Variants in ZC3HAV1 observed in about 807,000 individuals in gnomAD.
The protein encoded by ZC3HAV1 is zinc finger CCCH-type antiviral protein 1.
A neutral mutation model predicts 86.6 loss-of-function variants in ZC3HAV1; 41 were observed. The observed-to-expected ratio is 0.47, with a 90% CI of 0.37 to 0.61. The LOEUF (loss-of-function observed/expected upper bound fraction) is 0.61, where lower values mean the gene tolerates loss of function less well. Among genes scored for constraint, ZC3HAV1 ranks in the 20% least tolerant of loss-of-function variants. ZC3HAV1 has a pLI of 0.00. For synonymous variants in ZC3HAV1, 421 were observed against 432.1 expected, an observed-to-expected ratio of 0.97 and a Z score of 0.32; for missense variants, 964 against 1,141.1, an observed-to-expected ratio of 0.84 and a Z score of 2.24.
intron 7 of ZC3HAV1, among the ~76,000 whole-genome samples, chr7:139,072,581 C>T (rs531302160): frequency 1.3e-4 from 20 of 152,142 alleles, no homozygotes; most frequent in Non-Finnish European, 2.6e-4. Flanking sequence ...TGTTTTCTCT[C>T]TCTCTTTAAT....
chr7:139,067,702 G>A (rs1015939524), intron 7 of ZC3HAV1, among the ~76,000 whole-genome samples: 1 of 152,052 alleles, frequency 6.6e-6, no homozygotes, highest in Non-Finnish European at 1.5e-5. Flanking sequence ...AATTACATTC[G>A]TACTCTATAA....
chr7:139,048,666 T>C (rs1021744440), intron 12 of ZC3HAV1, among the ~76,000 whole-genome samples: 2 of 152,228 alleles, frequency 1.3e-5, no homozygotes, highest in Non-Finnish European at 2.9e-5. Context: ...TGAGTAGATA[T>C]TGCAACTCCT....
chr7:139,109,112 G>A lies in ZC3HAV1; in HGVS notation c.220C>T (p.Arg74Cys). The change falls in exon 1 of 13, where the codon CGT (arginine) becomes TGT (cysteine). Residue 74 changes from arginine (R) to cysteine (C), a missense_variant. Coordinates refer to ENST00000242351, the MANE Select transcript of ZC3HAV1 (RefSeq NM_020119.4). ...CAGGGTCTCTGGCAGTACTTGCGACGGCAGACCCGGGCTCGAGTGGTGGCC... is the reference window on the plus strand; with the variant it reads ...CAGGGTCTCTGGCAGTACTTGCGACAGCAGACCCGGGCTCGAGTGGTGGCC... ...VVATTRARVC[R>C]RKYCQRPCDN... 1 of 1,591,498 alleles carries A rather than the reference G, an allele frequency of 6.3e-7. No individual in the cohort carries two copies. Among genetic ancestry groups the A allele is most frequent in the Non-Finnish European group, 8.6e-7 (1 of 1,168,758 alleles).
intron 1 of ZC3HAV1, among the ~76,000 whole-genome samples, chr7:139,097,412 A>ATTTTTTTTTTT (rs1387959860): frequency 2.7e-5 from 2 of 74,390 alleles, no homozygotes; most frequent in Non-Finnish European, 2.4e-5. Context: ...ATATATATAT[A>ATTTTTTTTTTT]TATATATATA....
In ZC3HAV1 at chr7:139,046,398, T is replaced by C. The variant is rs1563120672; in HGVS notation, c.*1196A>G. On this transcript the variant is annotated 3_prime_UTR_variant, in exon 13 of 13. Transcript: ENST00000242351. ...TAGCACTCGCGTTTATCAGTTATGC[T>C]TGTGTGAAGCTGGTTATTGCAATTC... 1 of 152,220 alleles carries C rather than the reference T, an allele frequency of 6.6e-6. No individual in the cohort carries two copies. The highest frequency in any genetic ancestry group is 1.5e-5 in the Non-Finnish European group (1 of 68,036). 9.4% of individuals were successfully genotyped at this position (152,220 alleles called of 1,614,324 possible).
intron 8 of ZC3HAV1, among the ~76,000 whole-genome samples, chr7:139,061,990 C>T (rs961940313): frequency 2.6e-5 from 4 of 152,244 alleles, no homozygotes; most frequent in Admixed American, 2.0e-4. Context: ...CTACTGCAAG[C>T]GTTTATTAAT....
rs1817615357 is a variant in ZC3HAV1 at position 139,097,185 on chromosome 7, A to T, written c.309-7426T>A. Among the ~76,000 whole-genome samples, 3 of 150,398 alleles carry T rather than the reference A, an allele frequency of 2.0e-5. No individual in the cohort carries two copies. In the South Asian group the frequency reaches 6.2e-4, roughly 31 times the overall value. On this transcript the variant is annotated intron_variant, in intron 1 of 12. Transcript: ENST00000242351. The stretch of plus-strand genomic sequence containing the variant: ...AAAAAATAAAAAAAAGAAAATTTTA[A>T]AAATAAATGAATAAAAATGCAGATT...
At chr7:139,098,588 G>A (rs1478061124) in intron 1 of ZC3HAV1, among the ~76,000 whole-genome samples, 10 of 152,178 alleles carry the variant, frequency 6.6e-5, no homozygotes, top group Non-Finnish European at 1.3e-4. Context: ...GGTGGCTTGA[G>A]CTCGGGAGTT....
At position 139,083,446 on chromosome 7, in the gene ZC3HAV1, T is replaced by C. The variant is rs112514549; in HGVS notation, c.697+334A>G. Among the ~76,000 whole-genome samples, 700 of 152,266 alleles carry C rather than the reference T, an allele frequency of 4.6e-3. 4 individuals are homozygous for C. The highest frequency in any genetic ancestry group is 0.016 in the African/African-American group (672 of 41,542). ...CTGCTGATTTGAAAGTTCACACAAT[T>C]GGCCGGGTGCAGTGGCTCATGCTTG... is the stretch of plus-strand genomic sequence containing the variant. On this transcript the variant is annotated intron_variant, in intron 3 of 12. Transcript: ENST00000242351.
At position 139,061,041 on chromosome 7, in the gene ZC3HAV1, C is replaced by A; in HGVS notation, c.2091G>T (p.Gly697=). The change falls in exon 9 of 13, where the codon GGG becomes GGT. Residue 697 remains glycine (G), a synonymous_variant. Coordinates refer to ENST00000242351, the MANE Select transcript of ZC3HAV1 (RefSeq NM_020119.4). ...PQWYVQQMKR[G]PDHQPAKTSS... is the part of the protein sequence containing the mutation. The stretch of plus-strand genomic sequence containing the variant: ...AGCTGCTTCAGAACACTTACTCTGG[C>A]CCTCTCTTCATCTGCTGCACATACC... 6.2e-7 allele frequency: 1 copy of A among 1,613,584 alleles called. No individual in the cohort carries two copies. Among genetic ancestry groups the A allele is most frequent in the African/African-American group, 1.3e-5 (1 of 74,940 alleles).
chr7:139,095,009 T>C (rs1817543287), intron 1 of ZC3HAV1, among the ~76,000 whole-genome samples: 1 of 149,462 alleles, frequency 6.7e-6, no homozygotes, highest in South Asian at 2.1e-4. Context: ...ACAGTAATTA[T>C]ATCGAAGTAC....
chr7:139,100,577 C>G (rs1458796357), intron 1 of ZC3HAV1, among the ~76,000 whole-genome samples: 1 of 152,026 alleles, frequency 6.6e-6, no homozygotes, highest in African/African-American at 2.4e-5. Context: ...AAAAAAACCA[C>G]AGTGATACAA....
At chr7:139,075,961 C>T (rs1017858377) in intron 6 of ZC3HAV1, among the ~76,000 whole-genome samples, 2 of 152,112 alleles carry the variant, frequency 1.3e-5, no homozygotes, top group Non-Finnish European at 2.9e-5. Flanking sequence ...GGATACGAGC[C>T]GGACACTGAA....
Position 139,054,949 on chromosome 7 carries a change from G to A in ZC3HAV1, c.2187+256C>T, listed in dbSNP as rs932989448. 3.8e-4 allele frequency among the ~76,000 whole-genome samples: 58 copies of A among 152,124 alleles called. 1 individual carries two copies. Among genetic ancestry groups the A allele is most frequent in the African/African-American group, 1.3e-3 (56 of 41,488 alleles). ...ACTACAGGCTCATGCCGCCATGCCC[G>A]GCTAATTTTTTTGTATTTTCGGTAG... On this transcript the variant is annotated intron_variant, in intron 10 of 12. Transcript: ENST00000242351.
Position 139,044,468 on chromosome 7 carries a change from T to C in ZC3HAV1, c.*3126A>G, listed in dbSNP as rs1234109635. On this transcript the variant is annotated 3_prime_UTR_variant, in exon 13 of 13. Transcript: ENST00000242351. Reference sequence around the variant, plus strand: ...TTTCTTCTTTTCTATTTCTCCTTAATAAGAGAGTTAGGGCATTAAATTGAT... The same window carrying C: ...TTTCTTCTTTTCTATTTCTCCTTAACAAGAGAGTTAGGGCATTAAATTGAT... 3 of 152,216 alleles carry C rather than the reference T, an allele frequency of 2.0e-5. No individual in the cohort carries two copies. The highest frequency in any genetic ancestry group is 7.2e-5 in the African/African-American group (3 of 41,456). The allele number at this position is 152,216 out of a possible 1,614,324, so 9.4% of individuals were successfully genotyped here. A position where few individuals can be genotyped will look rare whatever the true frequency, so the allele number is the denominator to read the frequency against.
At chr7:139,089,101 CAAAAAAAAAAAA>C (rs1195760878) in intron 2 of ZC3HAV1, among the ~76,000 whole-genome samples, 5 of 20,684 alleles carry the variant, frequency 2.4e-4, no homozygotes, top group African/African-American at 3.5e-4. Flanking sequence ...GACTCCATCT[CAAAAAAAAAAAA>C]AAAAAAAAAA....
At chr7:139,101,870 C>A (rs1014706693) in intron 1 of ZC3HAV1, among the ~76,000 whole-genome samples, 1 of 151,960 alleles carries the variant, frequency 6.6e-6, no homozygotes, top group African/African-American at 2.4e-5. Flanking sequence ...ACAAACACTG[C>A]GGAAGGCCGC....
intron 12 of ZC3HAV1, among the ~76,000 whole-genome samples, chr7:139,052,536 T>C (rs1220760596): frequency 7.5e-6 from 1 of 133,232 alleles, no homozygotes; most frequent in Non-Finnish European, 1.5e-5. Context: ...ACCAAGGAGG[T>C]GAAGGTTGCA....
intron 9 of ZC3HAV1, 149 bp downstream of exon 9, chr7:139,060,887 T>C: frequency 6.4e-7 from 1 of 1,564,984 alleles, no homozygotes; most frequent in East Asian, 2.3e-5. Flanking sequence ...ACAAGCATCT[T>C]ACTCATCGAT....
Sources: allele counts gnomAD v4.1 joint callset (sites outside exome capture counted in the v4.1 genomes callset), GRCh38; gene constraint gnomAD v4.1.1; transcripts MANE v1.5; gene names NCBI Gene and HGNC (gene_info 2026-07-23, HGNC 2026-07-21).